Variants in CSMD3 observed in about 807,000 individuals in gnomAD.
CSMD3 encodes the protein CUB and sushi domain-containing protein 3.
In CSMD3, 177 loss-of-function variants were observed where a neutral mutation model predicts 435.2. That is an observed-to-expected ratio of 0.41 (90% CI 0.36 to 0.46). The LOEUF (loss-of-function observed/expected upper bound fraction) is 0.46, where lower values mean the gene tolerates loss of function less well. Ranked by LOEUF, CSMD3 falls within the 20% of genes least tolerant of loss-of-function variation. The pLI, the probability that CSMD3 is intolerant of heterozygous loss-of-function variation, is 0.34. For missense variants in CSMD3, 4,265 were observed against 4,504.6 expected (o/e 0.95, Z 1.52); for synonymous variants, 1,656 against 1,520.5 (o/e 1.09, Z -2.07).
At chr8:113,306,209 GCAAT>G in intron 2 of CSMD3, among the ~76,000 whole-genome samples, 1 of 152,104 alleles carries the variant, frequency 6.6e-6, no homozygotes, top group East Asian at 1.9e-4. Flanking sequence ...AGCTATACAC[GCAAT>G]CACTCTATGC....
At chr8:113,115,935 T>C (rs1322017565) in intron 4 of CSMD3, among the ~76,000 whole-genome samples, 1 of 152,116 alleles carries the variant, frequency 6.6e-6, no homozygotes, top group African/African-American at 2.4e-5. Context: ...CAAAGGTGCT[T>C]ATTCTCCCCT....
Position 112,282,968 on chromosome 8 carries a change from C to T in CSMD3, c.9332-1618G>A, listed in dbSNP as rs1191779066. ...CATAATCTAATAAAAATGAGAGTTA[C>T]TATTTTTTTAGATTCATTAAGCACT... is the stretch of plus-strand genomic sequence containing the variant. On this transcript the variant is annotated intron_variant, in intron 58 of 70. Coordinates refer to ENST00000297405, the MANE Select transcript of CSMD3 (RefSeq NM_198123.2). Among the ~76,000 whole-genome samples, 9 of 152,020 alleles carry T rather than the reference C, an allele frequency of 5.9e-5. No homozygotes were observed. In the South Asian group the frequency reaches 1.2e-3, roughly 21 times the overall value.
At chr8:113,318,301 T>A (rs932569779) in intron 1 of CSMD3, among the ~76,000 whole-genome samples, 1 of 152,200 alleles carries the variant, frequency 6.6e-6, no homozygotes, top group Non-Finnish European at 1.5e-5. Context: ...TTTTTGCTTT[T>A]TAAGAAATTT....
At chr8:113,137,116 A>G (rs146668642) in intron 4 of CSMD3, among the ~76,000 whole-genome samples, 466 of 151,842 alleles carry the variant, frequency 3.1e-3, no homozygotes, top group African/African-American at 0.011. Flanking sequence ...AAAGTTGCCA[A>G]GAATAATGAA....
intron 13 of CSMD3, among the ~76,000 whole-genome samples, chr8:112,764,882 G>C (rs1459585890): frequency 6.6e-6 from 1 of 151,604 alleles, no homozygotes; most frequent in African/African-American, 2.4e-5. Context: ...CTATGGTTGA[G>C]TTGAGGGGAT....
chr8:113,126,915 T>C (rs1018439486), intron 4 of CSMD3, among the ~76,000 whole-genome samples: 4 of 151,780 alleles, frequency 2.6e-5, no homozygotes, highest in African/African-American at 4.8e-5. Context: ...TCCTAGATAA[T>C]TCCTTCCCCT....
chr8:112,600,359 G>T (rs889521205), intron 22 of CSMD3, among the ~76,000 whole-genome samples: 1 of 151,926 alleles, frequency 6.6e-6, no homozygotes, highest in African/African-American at 2.4e-5. Flanking sequence ...ATTATTTTTT[G>T]AATACTGCAT....
intron 12 of CSMD3, among the ~76,000 whole-genome samples, chr8:112,807,491 GGT>G (rs1399744553): frequency 2.1e-3 from 11 of 5,266 alleles, no homozygotes; most frequent in Non-Finnish European, 2.8e-3. Context: ...ATTCTTGATA[GGT>G]AGGTAGGTAG....
At chr8:113,149,424 C>T (rs1372307118) in intron 4 of CSMD3, among the ~76,000 whole-genome samples, 3 of 151,820 alleles carry the variant, frequency 2.0e-5, no homozygotes, top group Non-Finnish European at 2.9e-5. Flanking sequence ...AATTGCACTG[C>T]TTGTGGAAAA....
At chr8:112,814,143 G>C (rs2079306290) in intron 12 of CSMD3, among the ~76,000 whole-genome samples, 2 of 152,186 alleles carry the variant, frequency 1.3e-5, no homozygotes, top group Admixed American at 6.5e-5. Context: ...AGAAAGAATG[G>C]GGACTTGGAT....
At chr8:113,240,600 A>T (rs76487767) in intron 3 of CSMD3, among the ~76,000 whole-genome samples, 1 of 152,082 alleles carries the variant, frequency 6.6e-6, no homozygotes, top group Non-Finnish European at 1.5e-5. Context: ...AAGAAAACCC[A>T]TATGTTTATC....
chr8:112,380,782 C>T (rs1360959226), intron 37 of CSMD3, among the ~76,000 whole-genome samples: 2 of 152,022 alleles, frequency 1.3e-5, no homozygotes, highest in Non-Finnish European at 2.9e-5. Flanking sequence ...TTCAGTATTC[C>T]GTGCACAAGC....
intron 1 of CSMD3, among the ~76,000 whole-genome samples, chr8:113,418,389 T>C (rs1294888508): frequency 6.6e-6 from 1 of 152,134 alleles, no homozygotes; most frequent in Non-Finnish European, 1.5e-5. Flanking sequence ...GTAAGGAATC[T>C]TCTAATAAGA....
intron 1 of CSMD3, among the ~76,000 whole-genome samples, chr8:113,318,103 A>G (rs1448112402): frequency 1.3e-5 from 2 of 152,160 alleles, no homozygotes; most frequent in African/African-American, 4.8e-5. Context: ...ATCCTTGTGC[A>G]CTTGCTTGAT....
At chr8:113,355,541 C>A (rs191342473) in intron 1 of CSMD3, among the ~76,000 whole-genome samples, 1 of 151,458 alleles carries the variant, frequency 6.6e-6, no homozygotes, top group Non-Finnish European at 1.5e-5. Flanking sequence ...AAGGTTCCTA[C>A]CCTTGTAACC....
intron 32 of CSMD3, among the ~76,000 whole-genome samples, chr8:112,445,297 T>G (rs1815472526): frequency 6.6e-6 from 1 of 152,108 alleles, no homozygotes; most frequent in Non-Finnish European, 1.5e-5. Flanking sequence ...GGAGAAATTT[T>G]TGCTCCATTT....
intron 3 of CSMD3, among the ~76,000 whole-genome samples, chr8:113,195,791 T>TCATATA (rs2092645423): frequency 7.9e-6 from 1 of 126,044 alleles, no homozygotes; most frequent in South Asian, 2.5e-4. Flanking sequence ...ATCCTATATT[T>TCATATA]TATATATATA....
At chr8:113,256,506 T>C (rs1368999063) in intron 3 of CSMD3, among the ~76,000 whole-genome samples, 1 of 152,210 alleles carries the variant, frequency 6.6e-6, no homozygotes, top group Non-Finnish European at 1.5e-5. Flanking sequence ...GGAAAAGTTA[T>C]AACTGAGTTT....
At chr8:112,493,690 CAA>C (rs922003712) in intron 30 of CSMD3, among the ~76,000 whole-genome samples, 1 of 152,056 alleles carries the variant, frequency 6.6e-6, no homozygotes, top group Non-Finnish European at 1.5e-5. Context: ...AGATATTGAA[CAA>C]AGAGACTGAC....
Sources: allele counts gnomAD v4.1 joint callset (sites outside exome capture counted in the v4.1 genomes callset), GRCh38; gene constraint gnomAD v4.1.1; transcripts MANE v1.5; gene names NCBI Gene and HGNC (gene_info 2026-07-23, HGNC 2026-07-21).